Variants in UIMC1 observed in about 807,000 individuals in gnomAD.
UIMC1 encodes the protein BRCA1-A complex subunit RAP80.
Under a neutral mutation model 84.9 loss-of-function variants are expected in UIMC1, and 42 were observed. That is an observed-to-expected ratio of 0.49 (90% CI 0.39 to 0.64). The LOEUF (loss-of-function observed/expected upper bound fraction) is 0.64. Ranked by LOEUF, UIMC1 falls within the 30% of genes least tolerant of loss-of-function variation. UIMC1 has a pLI of 0.00. For missense variants in UIMC1, 825 were observed against 847.6 expected, an observed-to-expected ratio of 0.97 and a Z score of 0.33; for synonymous variants, 281 against 293.0, an observed-to-expected ratio of 0.96 and a Z score of 0.42.
chr5:176,965,466 CCTCTT>C (rs1318170858), intron 6 of UIMC1, among the ~76,000 whole-genome samples: 1 of 151,402 alleles, frequency 6.6e-6, no homozygotes, highest in Non-Finnish European at 1.5e-5. Context: ...CTTATAAAGT[CCTCTT>C]TTAATTTTTT....
chr5:176,934,242 T>G (rs1329746409), intron 10 of UIMC1, among the ~76,000 whole-genome samples: 4 of 152,138 alleles, frequency 2.6e-5, no homozygotes, highest in African/African-American at 9.7e-5. Flanking sequence ...GATAAAATAA[T>G]TTTATATAGA....
chr5:176,942,639 G>A (rs1450708308), intron 10 of UIMC1, among the ~76,000 whole-genome samples: 7 of 151,840 alleles, frequency 4.6e-5, no homozygotes, highest in Non-Finnish European at 7.4e-5. Context: ...CCAGCTACTC[G>A]GGAGGCTGAG....
intron 10 of UIMC1, among the ~76,000 whole-genome samples, chr5:176,932,791 C>T (rs1363881266): frequency 6.6e-6 from 1 of 151,854 alleles, no homozygotes; most frequent in Admixed American, 6.6e-5. Flanking sequence ...TGCTGACCCC[C>T]GGTGACCAGG....
At chr5:176,927,239 G>A (rs926668763) in intron 10 of UIMC1, among the ~76,000 whole-genome samples, 1 of 146,676 alleles carries the variant, frequency 6.8e-6, no homozygotes, top group African/African-American at 2.5e-5. Flanking sequence ...CCAGTAGTGT[G>A]TCACAGACCC....
chr5:176,939,580 GT>G (rs921846251), intron 10 of UIMC1, among the ~76,000 whole-genome samples: 35 of 152,254 alleles, frequency 2.3e-4, no homozygotes, highest in Admixed American at 2.1e-3. Flanking sequence ...CACTGTACAG[GT>G]TTGTAGCCCA....
intron 10 of UIMC1, among the ~76,000 whole-genome samples, chr5:176,938,240 T>TAAAAA (rs35080198): frequency 2.7e-5 from 3 of 112,072 alleles, no homozygotes; most frequent in Admixed American, 9.0e-5. Flanking sequence ...CCTTCCACAG[T>TAAAAA]AAAAAAAAAA....
intron 10 of UIMC1, among the ~76,000 whole-genome samples, chr5:176,932,930 T>C (rs1253764946): frequency 1.3e-5 from 2 of 151,280 alleles, no homozygotes; most frequent in Admixed American, 6.6e-5. Context: ...CCTTTCTACT[T>C]GCTGCCCACC....
intron 10 of UIMC1, among the ~76,000 whole-genome samples, chr5:176,925,590 T>C (rs1762293606): frequency 6.6e-6 from 1 of 152,068 alleles, no homozygotes; most frequent in Non-Finnish European, 1.5e-5. Context: ...GGTATATTCA[T>C]ATGCTAGAAC....
At chr5:176,924,037 G>T (rs1432660500) in intron 10 of UIMC1, among the ~76,000 whole-genome samples, 1 of 151,752 alleles carries the variant, frequency 6.6e-6, no homozygotes, top group Non-Finnish European at 1.5e-5. Flanking sequence ...CCACAATCTG[G>T]CCGGGCACGG....
intron 1 of UIMC1, among the ~76,000 whole-genome samples, chr5:176,985,365 A>G (rs1418198422): frequency 6.6e-6 from 1 of 151,954 alleles, no homozygotes; most frequent in East Asian, 1.9e-4. Context: ...CTGAGGCAGG[A>G]CAATCACTTG....
intron 1 of UIMC1, among the ~76,000 whole-genome samples, chr5:177,022,286 A>G (rs1775891406): frequency 6.6e-6 from 1 of 152,162 alleles, no homozygotes; most frequent in Non-Finnish European, 1.5e-5. Context: ...GAACTCAACA[A>G]ATAGTATGTA....
chr5:176,932,745 G>A (rs1763267076), intron 10 of UIMC1, among the ~76,000 whole-genome samples: 1 of 151,872 alleles, frequency 6.6e-6, no homozygotes, highest in African/African-American at 2.4e-5. Flanking sequence ...ATACATCCCA[G>A]TTCCTTTAAA....
intron 4 of UIMC1, 80 bp from the exon 5 acceptor site, chr5:176,969,786 G>T (rs1002608183): frequency 1.6e-5 from 19 of 1,164,982 alleles, no homozygotes; most frequent in Non-Finnish European, 2.4e-5. Context: ...GGACAAAATG[G>T]GAGGCCACCG....
intron 10 of UIMC1, among the ~76,000 whole-genome samples, chr5:176,940,666 T>C (rs1032881714): frequency 1.6e-4 from 25 of 152,186 alleles, no homozygotes; most frequent in African/African-American, 5.8e-4. Context: ...TAAAAGTGGT[T>C]GATAGCCAGA....
intron 10 of UIMC1, among the ~76,000 whole-genome samples, chr5:176,939,803 G>T (rs150619228): frequency 5.3e-5 from 8 of 152,286 alleles, no homozygotes; most frequent in Admixed American, 1.3e-4. Flanking sequence ...GAAAAAGAAA[G>T]TGTGACTGTC....
intron 1 of UIMC1, among the ~76,000 whole-genome samples, chr5:177,016,279 G>C (rs1168710151): frequency 6.6e-6 from 1 of 151,404 alleles, no homozygotes. Context: ...CAGGAGAATC[G>C]CTTGAACCTG....
chr5:176,947,711 G>A (rs1013388184), intron 9 of UIMC1, among the ~76,000 whole-genome samples: 2 of 151,796 alleles, frequency 1.3e-5, no homozygotes, highest in African/African-American at 2.4e-5. Flanking sequence ...CCAGCTACTC[G>A]GGAGGCTGAG....
At chr5:176,985,936 T>C (rs1771916766) in intron 1 of UIMC1, among the ~76,000 whole-genome samples, 1 of 152,116 alleles carries the variant, frequency 6.6e-6, no homozygotes, top group Non-Finnish European at 1.5e-5. Flanking sequence ...GCTTTCTCCT[T>C]TCGACAAGGA....
At chr5:176,914,052 C>T (rs1256111108) in intron 10 of UIMC1, among the ~76,000 whole-genome samples, 1 of 151,142 alleles carries the variant, frequency 6.6e-6, no homozygotes, top group South Asian at 2.1e-4. Flanking sequence ...CATACCATAC[C>T]ATACCATACC....
Sources: gnomAD v4.1 joint callset for allele counts (sites outside exome capture counted in the v4.1 genomes callset) on GRCh38, gnomAD v4.1.1 for gene constraint, MANE v1.5 for transcripts, NCBI Gene and HGNC (gene_info 2026-07-23, HGNC 2026-07-21) for gene names.